The following ELK3 variants were observed in gnomAD, a reference collection of about 807,000 sequenced individuals.
ELK3 encodes the protein ETS transcription factor ELK3.
A neutral mutation model predicts 28.9 loss-of-function variants in ELK3; 10 were observed. The observed-to-expected ratio is 0.35, with a 90% CI of 0.21 to 0.59. The LOEUF is 0.59. Among genes scored for constraint, ELK3 ranks in the 20% least tolerant of loss-of-function variants. ELK3 has a pLI of 0.82. For synonymous variants in ELK3, 272 were observed against 243.5 expected, an observed-to-expected ratio of 1.12 and a Z score of -1.09; for missense variants, 463 against 517.3, an observed-to-expected ratio of 0.90 and a Z score of 1.02.
At chr12:96,257,571 G>A (rs978907331) in intron 3 of ELK3, among the ~76,000 whole-genome samples, 2 of 152,206 alleles carry the variant, frequency 1.3e-5, no homozygotes, top group African/African-American at 2.4e-5. Context: ...AAGGATAGCT[G>A]TGTTTTGTGG....
At chr12:96,203,031 C>T (rs373975918) in intron 1 of ELK3, among the ~76,000 whole-genome samples, 33 of 152,000 alleles carry the variant, frequency 2.2e-4, no homozygotes, top group African/African-American at 4.3e-4. Context: ...TACAGGCATG[C>T]GCCACCCCAC....
chr12:96,247,691 C>T lies in ELK3; in HGVS notation c.959C>T (p.Ala320Val). The change falls in exon 3 of 5, where the codon GCC (alanine) becomes GTC (valine). Residue 320 changes from alanine (A) to valine (V), a missense_variant. Ala to Val is a moderately conservative substitution (Grantham distance 64). Around this residue, in one of 2 missense-constraint regions of ELK3, gnomAD observed 408 missense variants for 414.8 expected, o/e 0.98. Coordinates refer to ENST00000228741, the MANE Select transcript of ELK3 (RefSeq NM_005230.4). This position sits in a 1 kb window ranked among gnomAD's most constrained non-coding sequence, Gnocchi z 5.5. The part of the protein sequence containing the change: ...DIGSIALNSP[A>V]LPSGSLTPAF... ...GGCTCCATCGCCCTCAACAGCCCAG[C>T]CCTCCCCTCGGGATCCCTCACCCCA... 1 of 1,607,760 alleles carries T rather than the reference C, an allele frequency of 6.2e-7. No individual in the cohort carries two copies. The highest frequency in any genetic ancestry group is 8.5e-7 in the Non-Finnish European group (1 of 1,177,594).
intron 2 of ELK3, among the ~76,000 whole-genome samples, chr12:96,230,467 A>T (rs1214421655): frequency 6.6e-6 from 1 of 152,190 alleles, no homozygotes; most frequent in African/African-American, 2.4e-5. Flanking sequence ...AAATCCTAAA[A>T]GGAAACTGCT....
intron 1 of ELK3, among the ~76,000 whole-genome samples, chr12:96,220,075 G>C (rs1592675934): frequency 6.6e-6 from 1 of 152,172 alleles, no homozygotes; most frequent in East Asian, 1.9e-4. Flanking sequence ...TCTGCAGCTT[G>C]GTTGAACTGT....
chr12:96,256,251 T>C (rs936458691), intron 3 of ELK3, among the ~76,000 whole-genome samples: 4 of 152,198 alleles, frequency 2.6e-5, no homozygotes, highest in Non-Finnish European at 4.4e-5. Context: ...CCAGAGGCTA[T>C]GTCCGGAGCT....
intron 1 of ELK3, among the ~76,000 whole-genome samples, chr12:96,217,525 A>G (rs1178628005): frequency 2.0e-5 from 3 of 152,212 alleles, no homozygotes; most frequent in African/African-American, 7.2e-5. Context: ...TGAACTCATT[A>G]TAACGTCTGC....
chr12:96,247,830 C>T lies in ELK3; in HGVS notation c.1002+96C>T, dbSNP rs141322008. 5.8e-5 allele frequency: 80 copies of T among 1,371,984 alleles called. 3 individuals are homozygous for T. In the African/African-American group the frequency reaches 7.8e-4, roughly 13 times the overall value. 85.0% of individuals were successfully genotyped at this position (1,371,984 alleles called of 1,614,324 possible). ...AGAGACTTCCTTCTGTCCCTCAAAA[C>T]GTTGTCCTATGACTCGTACCGAGGT... On this transcript the variant is annotated intron_variant, in intron 3 of 4. Transcript: ENST00000228741. The surrounding 1 kb of genome is among the most constrained non-coding windows in gnomAD (Gnocchi z 5.5).
intron 1 of ELK3, among the ~76,000 whole-genome samples, chr12:96,210,813 T>TG (rs1438578938): frequency 1.3e-5 from 2 of 152,214 alleles, no homozygotes; most frequent in African/African-American, 4.8e-5. Context: ...CTGGAGCAGC[T>TG]GGAGACACAG....
chr12:96,228,648 G>A (rs1951721476), intron 2 of ELK3, among the ~76,000 whole-genome samples: 1 of 152,148 alleles, frequency 6.6e-6, no homozygotes, highest in Non-Finnish European at 1.5e-5. Context: ...ATTCAGCTGT[G>A]AAGATGCTTT....
At chr12:96,231,967 A>G (rs1205645224) in intron 2 of ELK3, among the ~76,000 whole-genome samples, 1 of 152,180 alleles carries the variant, frequency 6.6e-6, no homozygotes, top group Non-Finnish European at 1.5e-5. Context: ...AAGTGCTGGC[A>G]TGGCCAATGC....
chr12:96,210,561 G>GCACTCA (rs368183390), intron 1 of ELK3, among the ~76,000 whole-genome samples: 1 of 144,750 alleles, frequency 6.9e-6, no homozygotes, highest in East Asian at 2.1e-4. Flanking sequence ...GCGCGCGGGC[G>GCACTCA]CACGCACACA....
chr12:96,261,054 G>A (rs1053398878), intron 4 of ELK3, among the ~76,000 whole-genome samples: 5 of 152,156 alleles, frequency 3.3e-5, no homozygotes, highest in African/African-American at 1.2e-4. Context: ...TCTGAGAAAG[G>A]CCAGTATTAA....
In ELK3 at chr12:96,226,812, GA is replaced by G. The variant is rs368307195; in HGVS notation, c.207+3040del. Among the ~76,000 whole-genome samples, 20 of 152,204 alleles carry G rather than the reference GA, an allele frequency of 1.3e-4. No individual in the cohort carries two copies. In the East Asian group the frequency reaches 3.5e-3, roughly 26 times the overall value. On this transcript the variant is annotated intron_variant, in intron 2 of 4. Transcript: ENST00000228741. Reference sequence around the variant, plus strand: ...ATACAGTTTAAAAAGAAAAGAAGGAGAGGGGGAGGAAGATAAGAAGAAAAGA... The same window carrying G: ...ATACAGTTTAAAAAGAAAAGAAGGAGGGGGGAGGAAGATAAGAAGAAAAGA...
Position 96,210,460 on chromosome 12 carries a change from G to A in ELK3, c.-2-13105G>A, listed in dbSNP as rs570827073. On this transcript the variant is annotated intron_variant, in intron 1 of 4. Transcript: ENST00000228741. ...TGAAGTGCTTCTCATGATTCGTTTC[G>A]TGATGTGAGGTGCATGCATGTTTGG... Among the ~76,000 whole-genome samples, 4 of 152,138 alleles carry A rather than the reference G, an allele frequency of 2.6e-5. No individual in the cohort carries two copies. In the East Asian group the frequency reaches 5.8e-4, roughly 22 times the overall value.
At chr12:96,241,281 A>G (rs1951819012) in intron 2 of ELK3, among the ~76,000 whole-genome samples, 1 of 152,208 alleles carries the variant, frequency 6.6e-6, no homozygotes, top group Non-Finnish European at 1.5e-5. Context: ...AAGAAGGTAA[A>G]TCTAATTCCA....
chr12:96,200,851 C>T (rs537128086), intron 1 of ELK3, among the ~76,000 whole-genome samples: 6 of 151,952 alleles, frequency 3.9e-5, no homozygotes, highest in African/African-American at 9.7e-5. Flanking sequence ...TTAATAGAGA[C>T]GGGCTTTTGC....
chr12:96,239,954 T>A (rs78301534), intron 2 of ELK3, among the ~76,000 whole-genome samples: 5,287 of 152,356 alleles, frequency 0.035, 301 homozygotes, highest in African/African-American at 0.12. Flanking sequence ...GCGGAGCACT[T>A]GGATCTAGCA....
At chr12:96,205,931 A>C (rs1036447578) in intron 1 of ELK3, among the ~76,000 whole-genome samples, 2 of 152,238 alleles carry the variant, frequency 1.3e-5, no homozygotes, top group South Asian at 2.1e-4. Flanking sequence ...TGACAAATGA[A>C]GTAATCTGAA....
chr12:96,229,523 C>CTTTTTTTTTT (rs10578974), intron 2 of ELK3, among the ~76,000 whole-genome samples: 1 of 66,272 alleles, frequency 1.5e-5, no homozygotes, highest in Non-Finnish European at 2.6e-5. Context: ...CCAGATTTTC[C>CTTTTTTTTTT]TTTTTTTTTT....
Sources: allele counts gnomAD v4.1 joint callset (sites outside exome capture counted in the v4.1 genomes callset), GRCh38; gene constraint gnomAD v4.1.1; regional missense constraint gnomAD v4.1.1; non-coding constraint Gnocchi (gnomAD v3.1); transcripts MANE v1.5; gene names NCBI Gene and HGNC (gene_info 2026-07-23, HGNC 2026-07-21).